The following PCDH15 variants were observed in gnomAD, a reference collection of about 807,000 sequenced individuals.
The protein encoded by PCDH15 is protocadherin related 15.
PCDH15 carries 129 observed loss-of-function variants against 178.5 expected under a neutral mutation model. That is an observed-to-expected ratio of 0.72 (90% CI 0.63 to 0.84). The LOEUF (loss-of-function observed/expected upper bound fraction) is 0.84. PCDH15 is among the 40% of genes least tolerant of loss of function. The probability of loss-of-function intolerance (pLI) is 0.00; values close to 1 mark genes in which losing one functional copy is unlikely to be tolerated. For missense variants in PCDH15, 2,230 were observed against 2,099.9 expected (o/e 1.06, Z -1.21); for synonymous variants, 800 against 732.0 (o/e 1.09, Z -1.50).
intron 1 of PCDH15, among the ~76,000 whole-genome samples, chr10:54,787,356 T>A (rs766934133): frequency 7.2e-4 from 109 of 152,104 alleles, no homozygotes; most frequent in Non-Finnish European, 1.3e-3. Flanking sequence ...ATACAATCCT[T>A]TATCTAAAAG....
chr10:55,316,279 G>T (rs966938388), intron 1 of PCDH15, among the ~76,000 whole-genome samples: 1 of 152,036 alleles, frequency 6.6e-6, no homozygotes, highest in African/African-American at 2.4e-5. Context: ...GAAACTTACA[G>T]CTTGACAAGA....
chr10:55,193,175 G>A (rs558872421), intron 1 of PCDH15, among the ~76,000 whole-genome samples: 6 of 151,748 alleles, frequency 4.0e-5, no homozygotes, highest in South Asian at 2.1e-4. Flanking sequence ...TTCCCCTCAC[G>A]AGTTATGTCA....
chr10:54,456,804 C>A (rs1160580483), intron 3 of PCDH15, among the ~76,000 whole-genome samples: 2 of 152,028 alleles, frequency 1.3e-5, no homozygotes, highest in South Asian at 4.1e-4. Flanking sequence ...GTTGGTTACC[C>A]TCGTGTTGTT....
At chr10:55,569,589 C>A (rs977904192) in intron 2 of PCDH15, among the ~76,000 whole-genome samples, 28 of 150,932 alleles carry the variant, frequency 1.9e-4, no homozygotes, top group Admixed American at 3.3e-4. Context: ...AAAAAAAAAA[C>A]CAGAAACAAT....
intron 1 of PCDH15, among the ~76,000 whole-genome samples, chr10:54,691,144 G>C (rs1003342137): frequency 6.6e-6 from 1 of 152,052 alleles, no homozygotes; most frequent in Non-Finnish European, 1.5e-5. Context: ...TATTGAAATA[G>C]CACAGGCACT....
intron 17 of PCDH15, among the ~76,000 whole-genome samples, chr10:54,067,626 C>T (rs755072322): frequency 9.9e-5 from 15 of 152,250 alleles, no homozygotes; most frequent in East Asian, 1.9e-4. Flanking sequence ...AGCCTGAGTA[C>T]AGCACAGAAC....
intron 26 of PCDH15, among the ~76,000 whole-genome samples, chr10:53,876,199 T>TG (rs899899795): frequency 2.1e-3 from 20 of 9,316 alleles, no homozygotes; most frequent in Middle Eastern, 0.17. Context: ...TGTTTTTTTG[T>TG]TTTTTTTTTG....
intron 2 of PCDH15, among the ~76,000 whole-genome samples, chr10:55,332,486 T>A (rs916882749): frequency 6.6e-6 from 1 of 152,162 alleles, no homozygotes; most frequent in Non-Finnish European, 1.5e-5. Flanking sequence ...ACTAAAAATA[T>A]ATCTCATATT....
At chr10:55,143,959 A>G (rs1838423750) in intron 2 of PCDH15, among the ~76,000 whole-genome samples, 1 of 152,038 alleles carries the variant, frequency 6.6e-6, no homozygotes, top group African/African-American at 2.4e-5. Flanking sequence ...TGAATTACTG[A>G]AACAAATTTT....
At chr10:55,549,096 A>G (rs1841951001) in intron 2 of PCDH15, among the ~76,000 whole-genome samples, 1 of 152,164 alleles carries the variant, frequency 6.6e-6, no homozygotes, top group Admixed American at 6.6e-5. Context: ...ATAACCAAAC[A>G]TAGCTACAAT....
chr10:53,838,861 T>C (rs908973873), intron 29 of PCDH15, among the ~76,000 whole-genome samples: 3 of 152,032 alleles, frequency 2.0e-5, no homozygotes, highest in Non-Finnish European at 4.4e-5. Flanking sequence ...CATCTATATT[T>C]CCTCCACGGT....
At chr10:54,590,067 A>G (rs577122792) in intron 2 of PCDH15, among the ~76,000 whole-genome samples, 1 of 152,296 alleles carries the variant, frequency 6.6e-6, no homozygotes, top group Non-Finnish European at 1.5e-5. Flanking sequence ...AAGAACTGCT[A>G]ATCACTTTCC....
intron 3 of PCDH15, among the ~76,000 whole-genome samples, chr10:54,421,930 TATATATATATATATAAAA>T (rs1353361523): frequency 1.9e-5 from 1 of 53,238 alleles, no homozygotes; most frequent in African/African-American, 1.3e-4. Flanking sequence ...ATATATACAC[TATATATATATATATAAAA>T]ATATATATAT....
chr10:54,790,053 G>A (rs1951243791), intron 1 of PCDH15, among the ~76,000 whole-genome samples: 1 of 151,790 alleles, frequency 6.6e-6, no homozygotes, highest in Admixed American at 6.6e-5. Context: ...AAAAGTATAG[G>A]TAAATTAGGG....
intron 2 of PCDH15, among the ~76,000 whole-genome samples, chr10:55,077,398 TCTTCCTTCCTTC>T (rs58045517): frequency 0.42 from 57,437 of 137,450 alleles, 12,709 homozygotes; most frequent in East Asian, 0.5. Context: ...TGGTTTTCTC[TCTTCCTTCCTTC>T]CTTCCTTCCT....
chr10:54,202,087 G>C (rs1439219923), intron 10 of PCDH15, among the ~76,000 whole-genome samples: 3 of 152,166 alleles, frequency 2.0e-5, no homozygotes, highest in Non-Finnish European at 4.4e-5. Flanking sequence ...CTTAAAGAAT[G>C]AGATGTTAGT....
chr10:55,311,025 A>C (rs538795908), intron 1 of PCDH15, among the ~76,000 whole-genome samples: 1 of 152,340 alleles, frequency 6.6e-6, no homozygotes, highest in African/African-American at 2.4e-5. Context: ...AATTTTAAAA[A>C]AATGATAGTG....
chr10:55,321,669 C>T (rs1409720428), upstream of PCDH15, among the ~76,000 whole-genome samples: 1 of 152,054 alleles, frequency 6.6e-6, no homozygotes, highest in African/African-American at 2.4e-5. Flanking sequence ...CAGTGGAAAC[C>T]CTATAAGCAA....
chr10:55,196,047 T>C (rs1447951820), intron 1 of PCDH15, among the ~76,000 whole-genome samples: 1 of 152,120 alleles, frequency 6.6e-6, no homozygotes, highest in Non-Finnish European at 1.5e-5. Flanking sequence ...CAATTGTCAG[T>C]GAATCAGAAT....
Sources: gnomAD v4.1 joint callset for allele counts (sites outside exome capture counted in the v4.1 genomes callset) on GRCh38, gnomAD v4.1.1 for gene constraint, MANE v1.5 for transcripts, NCBI Gene and HGNC (gene_info 2026-07-23, HGNC 2026-07-21) for gene names.